The following MEI1 variants were observed in gnomAD, a reference collection of about 807,000 sequenced individuals.
MEI1 encodes the protein meiosis inhibitor protein 1.
A neutral mutation model predicts 146.2 loss-of-function variants in MEI1; 103 were observed. The ratio of observed to expected loss-of-function variants is 0.70; its 90% CI spans 0.60 to 0.83. The LOEUF is 0.83. MEI1 is among the 40% of genes least tolerant of loss of function. The pLI is 0.00. For synonymous variants in MEI1, 652 were observed against 628.2 expected (o/e 1.04, Z -0.57); for missense variants, 1,529 against 1,533.0 (o/e 1.00, Z 0.04).
intron 11 of MEI1, among the ~76,000 whole-genome samples, 172 bp downstream of exon 11, chr22:41,732,775 A>ATT (rs1169971077): frequency 6.8e-6 from 1 of 147,560 alleles, no homozygotes; most frequent in Non-Finnish European, 1.5e-5. Flanking sequence ...TGGATTGAAA[A>ATT]ATTTTTTTTT....
intron 14 of MEI1, among the ~76,000 whole-genome samples, chr22:41,747,887 C>T (rs1179227814): frequency 6.6e-6 from 1 of 152,090 alleles, no homozygotes; most frequent in Non-Finnish European, 1.5e-5. Flanking sequence ...TTGTTATTCC[C>T]ACTTTAGTCT....
At chr22:41,719,429 T>C (rs2070536189) in intron 6 of MEI1, among the ~76,000 whole-genome samples, 1 of 152,190 alleles carries the variant, frequency 6.6e-6, no homozygotes, top group Non-Finnish European at 1.5e-5. Flanking sequence ...TCAGGTGATC[T>C]GCCCACCTTG....
intron 21 of MEI1, 35 bp from the exon 22 acceptor site, chr22:41,778,673 C>G (rs2075596938): frequency 6.6e-7 from 1 of 1,516,650 alleles, no homozygotes; most frequent in African/African-American, 1.4e-5. Flanking sequence ...ATCTGAGCAT[C>G]AGGCTTCTTG....
intron 12 of MEI1, among the ~76,000 whole-genome samples, chr22:41,743,890 T>TC (rs1240416602): frequency 6.6e-6 from 1 of 151,996 alleles, no homozygotes; most frequent in African/African-American, 2.4e-5. Context: ...TTTTTTTTTT[T>TC]CCCGAGATGG....
In MEI1 at chr22:41,723,824, A is replaced by G. The variant is rs547608051; in HGVS notation, c.734-119A>G. 25 of 1,259,438 alleles carry G rather than the reference A, an allele frequency of 2.0e-5. No homozygotes were observed. The African/African-American group carries it at 3.0e-4, about 15-fold the overall frequency. 78.0% of individuals were successfully genotyped at this position (1,259,438 alleles called of 1,614,324 possible). On this transcript the variant is annotated intron_variant, in intron 6 of 30. Transcript: ENST00000401548. ...AAATTGGTGCTTAAGGATTCTAACC[A>G]TTCTTCATATTTGTAGAGGGATGAA...
At position 41,741,014 on chromosome 22, in the gene MEI1, G is replaced by A. The variant is rs575961018; in HGVS notation, c.1332-2066G>A. On this transcript the variant is annotated intron_variant, in intron 11 of 30. Coordinates refer to ENST00000401548, the MANE Select transcript of MEI1 (RefSeq NM_152513.4). Reference sequence around the variant, plus strand: ...CAACCTCCAACTCCCTGGTTCAAGCGATTCTCCTGCCTCAGCCTGCCGAGT... The same window carrying A: ...CAACCTCCAACTCCCTGGTTCAAGCAATTCTCCTGCCTCAGCCTGCCGAGT... 8.5e-5 allele frequency among the ~76,000 whole-genome samples: 13 copies of A among 152,212 alleles called. No homozygotes were observed. The East Asian group carries it at 2.3e-3, about 27-fold the overall frequency.
At position 41,715,078 on chromosome 22, in the gene MEI1, TTTATAA is replaced by T. The variant is rs200924440; in HGVS notation, c.424-957_424-952del. On this transcript the variant is annotated intron_variant, in intron 4 of 30. Coordinates refer to ENST00000401548, the MANE Select transcript of MEI1 (RefSeq NM_152513.4). ...CATATGATTAATATGTCAGATTGAA[TTTATAA>T]TTATATATATCAGTGCTTATGATTA... Among the ~76,000 whole-genome samples, 437 of 152,310 alleles carry T rather than the reference TTTATAA, an allele frequency of 2.9e-3. 2 individuals are homozygous for T. The highest frequency in any genetic ancestry group is 4.9e-3 in the Non-Finnish European group (333 of 68,032).
intron 14 of MEI1, among the ~76,000 whole-genome samples, chr22:41,746,904 C>A (rs994556398): frequency 2.6e-5 from 4 of 152,150 alleles, no homozygotes; most frequent in African/African-American, 9.7e-5. Context: ...CAACTCATCG[C>A]AGTTTACTCA....
chr22:41,750,513 G>T lies in MEI1; in HGVS notation c.1793-2078G>T, dbSNP rs1196370380. 2.0e-5 allele frequency among the ~76,000 whole-genome samples: 3 copies of T among 152,188 alleles called. No individual in the cohort carries two copies. In the South Asian group the frequency reaches 6.2e-4, roughly 32 times the overall value. ...AGTTAAGGAATGAGTGCAAGATGAG[G>T]CAGTAGAGACAGGATACACAACTAT... On this transcript the variant is annotated intron_variant, in intron 15 of 30. Coordinates refer to ENST00000401548, the MANE Select transcript of MEI1 (RefSeq NM_152513.4).
At chr22:41,732,673 C>T (rs566097565) in intron 11 of MEI1, 70 bp downstream of exon 11, 42 of 1,504,968 alleles carry the variant, frequency 2.8e-5, no homozygotes, top group Middle Eastern at 1.8e-4. Flanking sequence ...GCCAGGGTAG[C>T]GGATATTTAA....
chr22:41,732,540 CAGTT>C lies in MEI1; in HGVS notation c.1271_1274del (p.Val424AlafsTer12). The C allele has an allele frequency of 6.2e-7, 1 of 1,613,756 alleles. No individual in the cohort carries two copies. The highest frequency in any genetic ancestry group is 2.2e-5 in the East Asian group (1 of 44,888). On this transcript the variant is annotated frameshift_variant, in exon 11 of 31. Coordinates refer to ENST00000401548, the MANE Select transcript of MEI1 (RefSeq NM_152513.4). LOFTEE classifies it high-confidence loss of function. Reference sequence around the variant, plus strand: ...GATGCTGGCCGTGCCCTCCAAGAAGCAGTTAGCAGCCCTGTGCTGGAGGTGGCTG... The same window carrying C: ...GATGCTGGCCGTGCCCTCCAAGAAGCAGCAGCCCTGTGCTGGAGGTGGCTG...
chr22:41,794,901 T>C (rs568818796), intron 28 of MEI1, among the ~76,000 whole-genome samples: 1 of 152,224 alleles, frequency 6.6e-6, no homozygotes, highest in African/African-American at 2.4e-5. Context: ...CTTGAATAAA[T>C]AACAAAGCAG....
intron 5 of MEI1, among the ~76,000 whole-genome samples, chr22:41,716,454 G>A (rs991070213): frequency 1.8e-4 from 25 of 142,702 alleles, no homozygotes; most frequent in African/African-American, 6.5e-4. Flanking sequence ...TCGACTCACT[G>A]CAACCTCCAC....
intron 6 of MEI1, among the ~76,000 whole-genome samples, chr22:41,720,145 AGG>A (rs1371194768): frequency 5.3e-5 from 8 of 152,146 alleles, no homozygotes; most frequent in Admixed American, 3.9e-4. Context: ...GGGTAGGAGC[AGG>A]GGACAGGAGA....
intron 14 of MEI1, among the ~76,000 whole-genome samples, chr22:41,747,847 C>A (rs1322420317): frequency 6.6e-6 from 1 of 151,656 alleles, no homozygotes; most frequent in Non-Finnish European, 1.5e-5. Flanking sequence ...TTTTACACAC[C>A]AGACCACATT....
chr22:41,763,247 C>A lies in MEI1; in HGVS notation c.2194C>A (p.Pro732Thr). ...GTCGCTGCAGGACCAGGGCGAGCGC[C>A]CCCCACTGGTGGTCTTCAAAGCCTC... ...LLSLQDQGER[P>T]PLVVFKASIY... Residue 732 changes from proline (P) to threonine (T), a missense_variant, in exon 19 of 31, where the codon CCC becomes ACC. Physicochemically the swap from Pro to Thr is conservative, Grantham distance 38 (BLOSUM62 -1). This residue lies in a region of MEI1 where 1,212 missense variants were observed against 1,178.9 expected (regional missense o/e 1.03). Coordinates refer to ENST00000401548, the MANE Select transcript of MEI1 (RefSeq NM_152513.4). 6.2e-7 allele frequency: 1 copy of A among 1,613,838 alleles called. No homozygotes were observed. The highest frequency in any genetic ancestry group is 8.5e-7 in the Non-Finnish European group (1 of 1,179,794).
chr22:41,700,099 C>A (rs1249601242), intron 1 of MEI1, among the ~76,000 whole-genome samples: 1 of 152,256 alleles, frequency 6.6e-6, no homozygotes, highest in Non-Finnish European at 1.5e-5. Flanking sequence ...TTTCAGCCTC[C>A]CGCCATTTCA....
chr22:41,721,776 A>G (rs2070842520), intron 6 of MEI1, among the ~76,000 whole-genome samples: 2 of 129,116 alleles, frequency 1.5e-5, no homozygotes, highest in South Asian at 5.0e-4. Context: ...GCTGGAGTGC[A>G]GTCGCACGAT....
chr22:41,767,623 C>T (rs1176536252), intron 19 of MEI1: 2 of 455,304 alleles, frequency 4.4e-6, no homozygotes, highest in Admixed American at 4.7e-5. Context: ...TTGAACACAA[C>T]TCTATGCCGA....
Sources: gnomAD v4.1 joint callset for allele counts (sites outside exome capture counted in the v4.1 genomes callset) on GRCh38, gnomAD v4.1.1 for gene constraint, gnomAD v4.1.1 regional missense constraint, MANE v1.5 for transcripts, NCBI Gene and HGNC (gene_info 2026-07-23, HGNC 2026-07-21) for gene names.